KIAA1586: variants seen among roughly 807,000 people sequenced by gnomAD.
The protein encoded by KIAA1586 is E3 SUMO-protein ligase KIAA1586.
Under a neutral mutation model 6.1 loss-of-function variants are expected in KIAA1586, and 5 were observed. That is an observed-to-expected ratio of 0.82 (90% CI 0.43 to 1.73). KIAA1586 has a LOEUF of 1.73. Among genes scored for constraint, KIAA1586 ranks in the 40% most tolerant of loss-of-function variants. The probability of loss-of-function intolerance (pLI) is 0.02; values close to 1 mark genes in which losing one functional copy is unlikely to be tolerated. For synonymous variants in KIAA1586, 280 were observed against 301.7 expected (o/e 0.93, Z 0.75); for missense variants, 899 against 878.2 (o/e 1.02, Z -0.30).
rs1286807091 is a variant in KIAA1586, at chr6:57,053,604, A to G, written c.1105A>G (p.Thr369Ala). ...AECIVNTLLT[T>A]LNDCGFTNEY... ...GTGTATTGTCAATACATTATTGACT[A>G]CTTTAAATGATTGTGGTTTTACAAA... is the stretch of plus-strand genomic sequence containing the variant. The change falls in exon 4 of 4, where the codon ACT becomes GCT. Residue 369 changes from threonine to alanine, a missense_variant. Thr to Ala is a moderately conservative substitution (Grantham distance 58). Coordinates refer to ENST00000370733, the MANE Select transcript of KIAA1586 (RefSeq NM_020931.4). 2 of 1,610,328 alleles carry G rather than the reference A, an allele frequency of 1.2e-6. No homozygotes were observed. Among genetic ancestry groups the G allele is most frequent in the East Asian group, 2.2e-5 (1 of 44,820 alleles).
downstream of KIAA1586, among the ~76,000 whole-genome samples, chr6:57,059,088 T>C (rs1445663220): frequency 1.3e-5 from 2 of 152,192 alleles, no homozygotes; most frequent in Non-Finnish European, 2.9e-5. Context: ...TTTTATGAAA[T>C]GTATATACAA....
chr6:57,059,080 T>G (rs570047746), downstream of KIAA1586, among the ~76,000 whole-genome samples: 1 of 152,310 alleles, frequency 6.6e-6, no homozygotes, highest in Non-Finnish European at 1.5e-5. Flanking sequence ...TCTGTGAATT[T>G]TATGAAATGT....
chr6:57,050,720 A>G, intron 2 of KIAA1586, 54 bp from the exon 3 acceptor site: 1 of 1,238,600 alleles, frequency 8.1e-7, no homozygotes, highest in Admixed American at 2.0e-5. Context: ...GTTAAATTTA[A>G]GTTTAATTGG....
rs749641857 is a variant in KIAA1586 at position 57,053,299 on chromosome 6, AG to A, written c.805del (p.Ala269GlnfsTer11). 1 of 1,612,166 alleles carries A rather than the reference AG, an allele frequency of 6.2e-7. No individual in the cohort carries two copies. Among genetic ancestry groups the A allele is most frequent in the East Asian group, 2.2e-5 (1 of 44,842 alleles). On this transcript the variant is annotated frameshift_variant, in exon 4 of 4. Coordinates refer to ENST00000370733, the MANE Select transcript of KIAA1586 (RefSeq NM_020931.4). LOFTEE classifies it low-confidence loss of function (END_TRUNC). ...CATAACAGACCTTTATCTGATATTG[AG>A]GGGGCAAGAGAATTACAGGAAAAAA... ...VKHNRPLSDI[E>X]GARELQEKNG...
chr6:57,052,771 A>G lies in KIAA1586; in HGVS notation c.272A>G (p.Asn91Ser). 1 of 1,612,484 alleles carries G rather than the reference A, an allele frequency of 6.2e-7. No individual in the cohort carries two copies. Among genetic ancestry groups the G allele is most frequent in the African/African-American group, 1.3e-5 (1 of 75,008 alleles). Reference protein sequence around the residue: ...VKKVKTDTENNEVSKNHCRLS... With the variant: ...VKKVKTDTENSEVSKNHCRLS... Reference sequence around the variant, plus strand: ...AAGGTGAAAACAGACACAGAAAATAATGAAGTGAGCAAAAATCACTGCAGA... The same window carrying G: ...AAGGTGAAAACAGACACAGAAAATAGTGAAGTGAGCAAAAATCACTGCAGA... Residue 91 changes from asparagine to serine, a missense_variant, in exon 4 of 4, where the codon AAT becomes AGT. Physicochemically the swap from Asn to Ser is conservative, Grantham distance 46. Transcript: ENST00000370733.
chr6:57,059,006 A>G (rs1174142640), downstream of KIAA1586, among the ~76,000 whole-genome samples: 3 of 152,186 alleles, frequency 2.0e-5, no homozygotes, highest in Non-Finnish European at 4.4e-5. Flanking sequence ...CAGTGTGGAT[A>G]TGAAAAATAA....
chr6:57,053,946 A>T lies in KIAA1586; in HGVS notation c.1447A>T (p.Arg483Ter). The T allele has an allele frequency of 6.3e-7, 1 of 1,586,496 alleles. No individual in the cohort carries two copies. ...IIKIGRVMGP[R>*]WAACSLQAAT... ...TAAAATTGGTCGAGTAATGGGACCA[A>T]GATGGGCGGCATGTAGTTTACAAGC... Residue 483 changes from arginine (R) to a stop codon, truncating the protein, a stop_gained, in exon 4 of 4, where the codon AGA (arginine) becomes TGA (stop). Transcript: ENST00000370733. LOFTEE classifies it low-confidence loss of function (END_TRUNC).
chr6:57,054,750 T>A lies in KIAA1586; in HGVS notation c.2251T>A (p.Phe751Ile). 1 of 1,551,344 alleles carries A rather than the reference T, an allele frequency of 6.4e-7. No individual in the cohort carries two copies. Among genetic ancestry groups the A allele is most frequent in the Non-Finnish European group, 8.7e-7 (1 of 1,146,784 alleles). Residue 751 changes from phenylalanine to isoleucine, a missense_variant, in exon 4 of 4, where the codon TTT becomes ATT. Phe to Ile is a conservative substitution (Grantham distance 21). Transcript: ENST00000370733. ...ATTAGCAGATTGGGATGCAACACCG[T>A]TTGTAAAATCTTGGTCAAATTGCAA... ...KELADWDATP[F>I]VKSWSNCNHR...
chr6:57,056,716 T>C (rs1828504895), downstream of KIAA1586, among the ~76,000 whole-genome samples: 2 of 151,668 alleles, frequency 1.3e-5, no homozygotes, highest in Non-Finnish European at 2.9e-5. Flanking sequence ...TTTATATCTT[T>C]TTGTAGAGAT....
downstream of KIAA1586, among the ~76,000 whole-genome samples, chr6:57,056,894 A>G (rs1828507614): frequency 6.6e-6 from 1 of 152,116 alleles, no homozygotes; most frequent in African/African-American, 2.4e-5. Context: ...AAATTGTTAG[A>G]AAATTATGAA....
At chr6:57,048,835 G>A (rs946150802) in intron 2 of KIAA1586, among the ~76,000 whole-genome samples, 10 of 152,140 alleles carry the variant, frequency 6.6e-5, no homozygotes, top group African/African-American at 2.4e-4. Context: ...TGATCCATGT[G>A]CCGTTGAGAA....
At position 57,055,088 on chromosome 6, in the gene KIAA1586, GTT is replaced by G; in HGVS notation, c.*226_*227del. 5.3e-6 allele frequency: 2 copies of G among 380,244 alleles called. No individual in the cohort carries two copies. The highest frequency in any genetic ancestry group is 9.9e-5 in the South Asian group (2 of 20,240). The allele number at this position is 380,244 out of a possible 1,614,324, so 23.6% of individuals were successfully genotyped here. A position where few individuals can be genotyped will look rare whatever the true frequency, so the allele number is the denominator to read the frequency against. On this transcript the variant is annotated 3_prime_UTR_variant, in exon 4 of 4. Coordinates refer to ENST00000370733, the MANE Select transcript of KIAA1586 (RefSeq NM_020931.4). The stretch of plus-strand genomic sequence containing the variant: ...TGGGTCATAATACATATTCCATGAA[GTT>G]CTGTACAGAACAAACACCGTTTATA...
chr6:57,058,062 C>T (rs200092811), downstream of KIAA1586, among the ~76,000 whole-genome samples: 45 of 151,824 alleles, frequency 3.0e-4, no homozygotes, highest in South Asian at 1.2e-3. Context: ...CCCAGAATGC[C>T]GATATTACAG....
At chr6:57,061,828 G>A in the KIAA1586 span, among the ~76,000 whole-genome samples, 89 of 151,706 alleles carry the variant, frequency 5.9e-4, no homozygotes, top group African/African-American at 1.9e-3. Flanking sequence ...TACAATCTTC[G>A]CAATATTTAA....
the KIAA1586 span, among the ~76,000 whole-genome samples, chr6:57,063,003 C>T: frequency 7.2e-5 from 11 of 151,802 alleles, no homozygotes; most frequent in African/African-American, 1.9e-4. Context: ...TGCAGTGAGC[C>T]GAGATTGCGC....
In KIAA1586 at chr6:57,054,279, A is replaced by G; in HGVS notation, c.1780A>G (p.Lys594Glu). The G allele has an allele frequency of 2.5e-6, 4 of 1,580,506 alleles. No individual in the cohort carries two copies. Among genetic ancestry groups the G allele is most frequent in the Non-Finnish European group, 3.4e-6 (4 of 1,165,840 alleles). The change falls in exon 4 of 4, where the codon AAA becomes GAA. Residue 594 changes from lysine (K) to glutamate (E), a missense_variant. By Grantham distance (56) the Lys-to-Glu change is moderately conservative (BLOSUM62 1). Transcript: ENST00000370733. ...TAAGTTTAAAGATATTCCATTTAAT[A>G]AAAACAATAAATTTAATGCTCTTCC... Reference protein sequence around the residue: ...SDKFKDIPFNKNNKFNALPRS... With the variant: ...SDKFKDIPFNENNKFNALPRS...
chr6:57,063,888 T>TA, the KIAA1586 span, among the ~76,000 whole-genome samples: 105 of 152,232 alleles, frequency 6.9e-4, 2 homozygotes, highest in African/African-American at 2.3e-3. Context: ...GCCCTTTTTT[T>TA]AAAAAAAATT....
At chr6:57,065,158 T>C in the KIAA1586 span, among the ~76,000 whole-genome samples, 2 of 152,242 alleles carry the variant, frequency 1.3e-5, no homozygotes, top group African/African-American at 4.8e-5. Flanking sequence ...ATTTTCTTAA[T>C]TTTAATTGCT....
At chr6:57,057,815 A>G (rs1487481373), downstream of KIAA1586, among the ~76,000 whole-genome samples, 5 of 152,052 alleles carry the variant, frequency 3.3e-5, no homozygotes, top group African/African-American at 1.2e-4. Flanking sequence ...AATTATTATT[A>G]TTTTTTGAGA....
Sources: allele counts gnomAD v4.1 joint callset (sites outside exome capture counted in the v4.1 genomes callset), GRCh38; gene constraint gnomAD v4.1.1; transcripts MANE v1.5; gene names NCBI Gene and HGNC (gene_info 2026-07-23, HGNC 2026-07-21).